The following MYO19 variants were observed in gnomAD, a reference collection of about 807,000 sequenced individuals.
MYO19 encodes unconventional myosin-XIX.
MYO19 carries 132 observed loss-of-function variants against 129.2 expected under a neutral mutation model. The ratio of observed to expected loss-of-function variants is 1.02; its 90% CI spans 0.89 to 1.18. The LOEUF (loss-of-function observed/expected upper bound fraction) is 1.18. Ranked by LOEUF, MYO19 falls within the 50% of genes most tolerant of loss-of-function variation. The pLI, the probability that MYO19 is intolerant of heterozygous loss-of-function variation, is 0.00. For synonymous variants in MYO19, 531 were observed against 477.2 expected, an observed-to-expected ratio of 1.11 and a Z score of -1.47; for missense variants, 1,210 against 1,216.7, an observed-to-expected ratio of 0.99 and a Z score of 0.08.
chr17:36,533,717 C>T (rs552769390), intron 2 of MYO19: 2 of 152,440 alleles, frequency 1.3e-5, no homozygotes, highest in Admixed American at 6.5e-5. Context: ...TGACTGTACC[C>T]CATCCAAGGG....
At chr17:36,529,746 A>G (rs2073715254) in intron 3 of MYO19, among the ~76,000 whole-genome samples, 1 of 152,148 alleles carries the variant, frequency 6.6e-6, no homozygotes, top group African/African-American at 2.4e-5. Flanking sequence ...ATTCACAAAC[A>G]CAGACACAAT....
In MYO19 at chr17:36,530,451, CTTTT is replaced by C. The variant is rs11292870; in HGVS notation, c.12+2072_12+2075del. ...TTAGCTATTCTTCTTCTAAAAGTGG[CTTTT>C]TTTTTTTTTTTTTTTTTTTGAGACG... On this transcript the variant is annotated intron_variant, in intron 3 of 25. Coordinates refer to ENST00000614623, the MANE Select transcript of MYO19 (RefSeq NM_001163735.2). Among the ~76,000 whole-genome samples, 18 of 94,850 alleles carry C rather than the reference CTTTT, an allele frequency of 1.9e-4. 1 individual carries two copies. Among genetic ancestry groups the C allele is most frequent in the Admixed American group, 1.2e-3 (9 of 7,754 alleles). 62.2% of individuals were successfully genotyped at this position (94,850 alleles called of 152,430 possible). A position where few individuals can be genotyped will look rare whatever the true frequency, so the allele number is the denominator to read the frequency against.
upstream of MYO19, chr17:36,537,640 T>C (rs1253477222): frequency 1.2e-6 from 2 of 1,614,060 alleles, no homozygotes; most frequent in Non-Finnish European, 8.5e-7. Flanking sequence ...GGGTCTGCAA[T>C]GGTTTGTCTA....
At chr17:36,513,303 T>A in intron 11 of MYO19, 126 bp downstream of exon 11, 1 of 1,561,068 alleles carries the variant, frequency 6.4e-7, no homozygotes, top group Non-Finnish European at 8.6e-7. Context: ...TCCTTGGAGG[T>A]AGCACAGAAG....
At chr17:36,539,392 C>T, upstream of MYO19, 1 of 166,376 alleles carries the variant, frequency 6.0e-6, no homozygotes. Context: ...ATCAAACACT[C>T]CAATGTGCAG....
intron 5 of MYO19, among the ~76,000 whole-genome samples, chr17:36,527,167 AAAATAAATAAAT>A (rs1013454088): frequency 1.4e-5 from 2 of 148,058 alleles, no homozygotes; most frequent in African/African-American, 4.9e-5. Flanking sequence ...ACTCCATCTC[AAAATAAATAAAT>A]AAATAAATAA....
chr17:36,531,834 A>G (rs1175259182), intron 3 of MYO19, among the ~76,000 whole-genome samples: 6 of 152,154 alleles, frequency 3.9e-5, no homozygotes, highest in African/African-American at 1.2e-4. Context: ...GCAAGCACCA[A>G]CCTCAACATC....
chr17:36,523,695 T>C (rs955076994), intron 6 of MYO19, among the ~76,000 whole-genome samples: 1 of 152,050 alleles, frequency 6.6e-6, no homozygotes, highest in Non-Finnish European at 1.5e-5. Context: ...TAATTAGAAA[T>C]TATGAAATAA....
At chr17:36,498,092 C>T (rs908305377) in intron 25 of MYO19, 174 bp downstream of exon 25, 2 of 637,850 alleles carry the variant, frequency 3.1e-6, no homozygotes, top group African/African-American at 3.6e-5. Flanking sequence ...CCAGTTATAA[C>T]AAAATAAATA....
intron 2 of MYO19, among the ~76,000 whole-genome samples, chr17:36,540,022 G>C (rs1356715567): frequency 6.6e-6 from 1 of 151,962 alleles, no homozygotes; most frequent in East Asian, 1.9e-4. Context: ...TCCTACGTTG[G>C]GAGGGCACCA....
At chr17:36,525,392 T>A (rs766253197) in intron 5 of MYO19, 51 bp from the exon 6 acceptor site, 2 of 1,325,460 alleles carry the variant, frequency 1.5e-6, no homozygotes. Context: ...TGTTTTTCAA[T>A]GATGACTGAG....
intron 3 of MYO19, among the ~76,000 whole-genome samples, chr17:36,530,451 CTTTTTTT>C (rs11292870): frequency 2.5e-4 from 24 of 94,854 alleles, no homozygotes; most frequent in African/African-American, 3.5e-4. Context: ...CTAAAAGTGG[CTTTTTTT>C]TTTTTTTTTT....
intron 6 of MYO19, among the ~76,000 whole-genome samples, chr17:36,523,374 T>C (rs2073268550): frequency 6.6e-6 from 1 of 152,086 alleles, no homozygotes; most frequent in African/African-American, 2.4e-5. Context: ...CTGAGAGCTC[T>C]AGGAAGGGTA....
intron 3 of MYO19, among the ~76,000 whole-genome samples, chr17:36,532,116 C>G (rs1405080118): frequency 6.6e-6 from 1 of 152,192 alleles, no homozygotes; most frequent in African/African-American, 2.4e-5. Context: ...AGGCTGACCT[C>G]TTTGCCTGGA....
chr17:36,536,768 G>T (rs1170315477), upstream of MYO19, among the ~76,000 whole-genome samples: 1 of 152,158 alleles, frequency 6.6e-6, no homozygotes, highest in African/African-American at 2.4e-5. Context: ...TCCCACCTCG[G>T]CCTCCCGAAG....
chr17:36,506,381 C>T (rs1109442), intron 18 of MYO19, 75 bp downstream of exon 18: 836,136 of 1,587,852 alleles, frequency 0.53, 221,635 homozygotes, highest in East Asian at 0.63. Flanking sequence ...GCACCGATCC[C>T]GGCAGGTGCT....
At chr17:36,533,801 G>A (rs186848250) in intron 2 of MYO19, 152 bp downstream of exon 2, 4 of 152,202 alleles carry the variant, frequency 2.6e-5, no homozygotes, top group Admixed American at 6.5e-5. Flanking sequence ...GGTCCAGAGG[G>A]GCAGCACAAC....
intron 17 of MYO19, 39 bp downstream of exon 17, chr17:36,506,924 G>A (rs766118370): frequency 3.1e-5 from 47 of 1,513,216 alleles, no homozygotes; most frequent in Admixed American, 1.1e-4. Context: ...CCAGCATCTC[G>A]TTTCTCGCAG....
chr17:36,530,910 C>T (rs904619804), intron 3 of MYO19, among the ~76,000 whole-genome samples: 7 of 152,048 alleles, frequency 4.6e-5, no homozygotes, highest in African/African-American at 1.2e-4. Flanking sequence ...CATGAGCCAC[C>T]GTGCCTGGCC....
Sources: allele counts gnomAD v4.1 joint callset (sites outside exome capture counted in the v4.1 genomes callset), GRCh38; gene constraint gnomAD v4.1.1; transcripts MANE v1.5; gene names NCBI Gene and HGNC (gene_info 2026-07-23, HGNC 2026-07-21).